CREB5: variants seen among roughly 807,000 people sequenced by gnomAD.
The protein encoded by CREB5 is cyclic AMP-responsive element-binding protein 5.
Under a neutral mutation model 57.1 loss-of-function variants are expected in CREB5, and 19 were observed. That is an observed-to-expected ratio of 0.33 (90% CI 0.23 to 0.49). The LOEUF is 0.49. CREB5 is among the 20% of genes least tolerant of loss of function. CREB5 has a pLI of 0.99. For missense variants in CREB5, 579 were observed against 671.6 expected (o/e 0.86, Z 1.52); for synonymous variants, 238 against 238.3 (o/e 1.00, Z 0.01).
chr7:28,704,319 TG>T (rs1034151608), intron 5 of CREB5, among the ~76,000 whole-genome samples: 4 of 152,178 alleles, frequency 2.6e-5, no homozygotes, highest in African/African-American at 9.6e-5. Flanking sequence ...AAATGTTACT[TG>T]CACTCAGAGA....
intron 4 of CREB5, among the ~76,000 whole-genome samples, chr7:28,543,205 A>T (rs1194883211): frequency 6.6e-6 from 1 of 152,156 alleles, no homozygotes; most frequent in Non-Finnish European, 1.5e-5. Context: ...GCACACTGAA[A>T]ACTTTCAGAC....
chr7:28,507,656 G>A lies in CREB5; in HGVS notation c.210G>A (p.Glu70=). The A allele has an allele frequency of 6.2e-7, 1 of 1,610,942 alleles. No homozygotes were observed. Among genetic ancestry groups the A allele is most frequent in the Non-Finnish European group, 8.5e-7 (1 of 1,177,822 alleles). The change falls in exon 4 of 11, where the codon GAG becomes GAA. Residue 70 remains glutamate, a synonymous_variant. Transcript: ENST00000357727. ...PTPTRFLKNC[E]EVGLFSELDC... ...CAACGAGATTCCTGAAGAACTGCGA[G>A]GAGGTGGGCCTCTTCAGCGAGCTGG...
chr7:28,758,741 A>G lies in CREB5; in HGVS notation c.702+34409A>G, dbSNP rs1022343100. ...AGAGATTTTACTTTAGTTTATTTAT[A>G]TGCTAGCCAAAAAGAACCCAAAGTC... On this transcript the variant is annotated intron_variant, in intron 7 of 10. Coordinates refer to ENST00000357727, the MANE Select transcript of CREB5 (RefSeq NM_182898.4). Among the ~76,000 whole-genome samples the G allele has an allele frequency of 3.2e-4, 48 of 152,224 alleles. 1 individual carries two copies. The highest frequency in any genetic ancestry group is 2.1e-4 in the South Asian group (1 of 4,832).
At chr7:28,413,067 G>A in intron 1 of CREB5, 150 bp downstream of exon 1, 2 of 569,198 alleles carry the variant, frequency 3.5e-6, no homozygotes, top group South Asian at 4.4e-5. Context: ...AGTTTCCTGG[G>A]ACTTATAGCA....
At chr7:28,546,506 A>G (rs570713774) in intron 4 of CREB5, among the ~76,000 whole-genome samples, 1 of 152,182 alleles carries the variant, frequency 6.6e-6, no homozygotes, top group African/African-American at 2.4e-5. Context: ...CCATTTTACA[A>G]TCCCAACAAT....
In CREB5 at chr7:28,469,401, G is replaced by A. The variant is rs79073408; in HGVS notation, c.4-18774G>A. ...AAGTGCTCATTGGAGAAATTAGCTGGGGCAATTAAGAGTTTGCTGGGTAGT... is the reference window on the plus strand; with the variant it reads ...AAGTGCTCATTGGAGAAATTAGCTGAGGCAATTAAGAGTTTGCTGGGTAGT... On this transcript the variant is annotated intron_variant, in intron 1 of 10. Coordinates refer to ENST00000357727, the MANE Select transcript of CREB5 (RefSeq NM_182898.4). 4.1e-3 allele frequency among the ~76,000 whole-genome samples: 622 copies of A among 152,140 alleles called. 8 individuals carry two copies. The highest frequency in any genetic ancestry group is 0.014 in the African/African-American group (592 of 41,512).
intron 1 of CREB5, among the ~76,000 whole-genome samples, chr7:28,431,196 A>T (rs74809844): frequency 1.1e-3 from 161 of 152,332 alleles, no homozygotes; most frequent in African/African-American, 3.8e-3. Flanking sequence ...TATTCTATTC[A>T]TTAGAAGCAC....
At chr7:28,319,892 A>G (rs1254153835) in intron 1 of CREB5, among the ~76,000 whole-genome samples, 2 of 148,476 alleles carry the variant, frequency 1.3e-5, no homozygotes. Context: ...TCTTTTTGCT[A>G]CAAATAGTGT....
chr7:28,385,031 A>G (rs541504546), intron 1 of CREB5, among the ~76,000 whole-genome samples: 13 of 152,312 alleles, frequency 8.5e-5, no homozygotes, highest in African/African-American at 2.9e-4. Context: ...AACATTAGTT[A>G]TCTTTGAGGA....
At chr7:28,486,142 A>G (rs1401682428) in intron 1 of CREB5, among the ~76,000 whole-genome samples, 1 of 152,200 alleles carries the variant, frequency 6.6e-6, no homozygotes, top group Non-Finnish European at 1.5e-5. Flanking sequence ...GATAATTGTG[A>G]GAAATAGTGG....
chr7:28,354,007 C>G (rs752290884), intron 1 of CREB5, among the ~76,000 whole-genome samples: 33 of 152,092 alleles, frequency 2.2e-4, no homozygotes, highest in Non-Finnish European at 4.0e-4. Context: ...TGGACTATAT[C>G]TGGAGATAAG....
chr7:28,538,063 T>C (rs933360386), intron 4 of CREB5, among the ~76,000 whole-genome samples: 2 of 151,766 alleles, frequency 1.3e-5, no homozygotes, highest in Non-Finnish European at 2.9e-5. Flanking sequence ...TTTGTTTTTA[T>C]TTTTGTTTGA....
chr7:28,685,665 CTTTTTTTTTT>C (rs548208912), intron 5 of CREB5, among the ~76,000 whole-genome samples: 1 of 130,936 alleles, frequency 7.6e-6, no homozygotes, highest in East Asian at 2.2e-4. Context: ...ACAGGGCACT[CTTTTTTTTTT>C]TTTTTTTTAA....
At chr7:28,607,116 C>T (rs930938661) in intron 5 of CREB5, among the ~76,000 whole-genome samples, 1 of 152,130 alleles carries the variant, frequency 6.6e-6, no homozygotes, top group Admixed American at 6.5e-5. Context: ...TTCTCCCTGC[C>T]CTTCCCAGAC....
At chr7:28,334,310 C>T (rs1315600250) in intron 1 of CREB5, among the ~76,000 whole-genome samples, 1 of 152,088 alleles carries the variant, frequency 6.6e-6, no homozygotes, top group Admixed American at 6.6e-5. Context: ...CATGTACCAC[C>T]ATGCCTGGCT....
At chr7:28,315,328 T>A (rs955477923) in intron 1 of CREB5, among the ~76,000 whole-genome samples, 36 of 152,334 alleles carry the variant, frequency 2.4e-4, no homozygotes, top group African/African-American at 8.7e-4. Context: ...GGGTCCTGAT[T>A]TGACAATTTT....
chr7:28,732,300 G>C (rs1238755474), intron 7 of CREB5, among the ~76,000 whole-genome samples: 3 of 152,004 alleles, frequency 2.0e-5, no homozygotes, highest in African/African-American at 7.3e-5. Flanking sequence ...CCCAATATTT[G>C]CTAGCTGCCT....
chr7:28,823,258 T>G lies in CREB5; in HGVS notation c.*3979T>G, dbSNP rs970613459. On this transcript the variant is annotated 3_prime_UTR_variant, in exon 11 of 11. Transcript: ENST00000357727. ...GAAAAACCATCTAAGAAAATATATATGTATGTATGTGTGTATACAGTGGAA... is the reference window on the plus strand; with the variant it reads ...GAAAAACCATCTAAGAAAATATATAGGTATGTATGTGTGTATACAGTGGAA... 6.5e-6 allele frequency: 1 copy of G among 152,708 alleles called. No homozygotes were observed. The highest frequency in any genetic ancestry group is 6.5e-5 in the Admixed American group (1 of 15,300). The allele number at this position is 152,708 out of a possible 1,614,324, so 9.5% of individuals were successfully genotyped here.
intron 7 of CREB5, among the ~76,000 whole-genome samples, chr7:28,729,439 T>A (rs977274468): frequency 6.6e-6 from 1 of 152,214 alleles, no homozygotes; most frequent in African/African-American, 2.4e-5. Flanking sequence ...TGGTTGCATA[T>A]CCACTTCGTT....
Sources: gnomAD v4.1 joint callset for allele counts (sites outside exome capture counted in the v4.1 genomes callset) on GRCh38, gnomAD v4.1.1 for gene constraint, MANE v1.5 for transcripts, NCBI Gene and HGNC (gene_info 2026-07-23, HGNC 2026-07-21) for gene names.